The following SENP7 variants were observed in gnomAD, a reference collection of about 807,000 sequenced individuals.
The protein encoded by SENP7 is SUMO specific peptidase 7.
Under a neutral mutation model 141.2 loss-of-function variants are expected in SENP7, and 64 were observed. That is an observed-to-expected ratio of 0.45 (90% CI 0.37 to 0.56). The LOEUF (loss-of-function observed/expected upper bound fraction) is 0.56, where lower values mean the gene tolerates loss of function less well. Among genes scored for constraint, SENP7 ranks in the 20% least tolerant of loss-of-function variants. The probability of loss-of-function intolerance (pLI) is 0.00; values close to 1 mark genes in which losing one functional copy is unlikely to be tolerated. For synonymous variants in SENP7, 382 were observed against 426.4 expected (o/e 0.90, Z 1.28); for missense variants, 1,025 against 1,212.2 (o/e 0.85, Z 2.29).
intron 6 of SENP7, among the ~76,000 whole-genome samples, chr3:101,394,827 C>G (rs936637780): frequency 5.9e-5 from 9 of 152,140 alleles, no homozygotes; most frequent in Non-Finnish European, 5.9e-5. Flanking sequence ...CTTTGTCTTT[C>G]TAACCGCCAT....
chr3:101,330,704 GTAGT>G (rs1290267811), intron 19 of SENP7, among the ~76,000 whole-genome samples: 1 of 152,124 alleles, frequency 6.6e-6, no homozygotes, highest in Non-Finnish European at 1.5e-5. Context: ...AATGCAGAAG[GTAGT>G]TAATCTGCCT....
intron 13 of SENP7, among the ~76,000 whole-genome samples, chr3:101,344,682 G>A (rs1341221236): frequency 6.6e-6 from 1 of 152,052 alleles, no homozygotes; most frequent in Non-Finnish European, 1.5e-5. Context: ...AAGTGTTATA[G>A]GTGCATATGG....
At chr3:101,396,683 C>T (rs866283315) in intron 6 of SENP7, among the ~76,000 whole-genome samples, 1 of 152,060 alleles carries the variant, frequency 6.6e-6, no homozygotes, top group African/African-American at 2.4e-5. Context: ...AGCATTAACC[C>T]AAGAGCAAAA....
chr3:101,462,471 G>T (rs1441604886), intron 3 of SENP7, among the ~76,000 whole-genome samples: 1 of 151,784 alleles, frequency 6.6e-6, no homozygotes, highest in Non-Finnish European at 1.5e-5. Context: ...AACCCAGGAG[G>T]TGGAGGCTGG....
At chr3:101,417,931 A>ATTTCTTT (rs1576289574) in intron 4 of SENP7, 141 bp from the exon 5 acceptor site, 2 of 625,198 alleles carry the variant, frequency 3.2e-6, no homozygotes, top group East Asian at 5.6e-5. Context: ...AAAAGAAAAA[A>ATTTCTTT]TGCCTAACTA....
rs751355214 is a variant in SENP7, at chr3:101,366,481, T to C, written c.1267A>G (p.Ile423Val). 5.0e-6 allele frequency: 8 copies of C among 1,613,430 alleles called. No individual in the cohort carries two copies. Among genetic ancestry groups the C allele is most frequent in the South Asian group, 1.1e-5 (1 of 90,954 alleles). Residue 423 changes from isoleucine (I) to valine (V), a missense_variant, in exon 9 of 24, where the codon ATT (isoleucine) becomes GTT (valine). Transcript: ENST00000394095. ...TTCCCTTCATTATGTCCTCTTAGAA[T>C]AGGCTTTTCTATGGTATTCAACTCA... is the stretch of plus-strand genomic sequence containing the variant. ...ENELNTIEKP[I>V]LRGHNEGNQS... is the part of the protein sequence containing the mutation.
intron 10 of SENP7, among the ~76,000 whole-genome samples, chr3:101,362,460 C>T (rs1481178570): frequency 1.3e-5 from 2 of 152,142 alleles, no homozygotes; most frequent in Non-Finnish European, 2.9e-5. Context: ...GTTCTTGCTA[C>T]TGCACTTTAA....
chr3:101,344,859 T>C (rs1233571549), intron 13 of SENP7, among the ~76,000 whole-genome samples: 1 of 151,884 alleles, frequency 6.6e-6, no homozygotes, highest in Admixed American at 6.6e-5. Flanking sequence ...GAAAGGTAGT[T>C]GGCCAGGCAT....
At chr3:101,476,207 C>A (rs775819933) in intron 3 of SENP7, among the ~76,000 whole-genome samples, 2 of 152,004 alleles carry the variant, frequency 1.3e-5, no homozygotes, top group Non-Finnish European at 1.5e-5. Flanking sequence ...CCCATCAACC[C>A]GTCATCTACA....
chr3:101,326,179 T>A (rs932584000), intron 23 of SENP7, 99 bp from the exon 24 acceptor site: 153 of 954,156 alleles, frequency 1.6e-4, no homozygotes, highest in Non-Finnish European at 2.1e-4. Flanking sequence ...CTAACTTTTT[T>A]AAAATAACAA....
intron 5 of SENP7, among the ~76,000 whole-genome samples, chr3:101,407,953 T>C (rs1181264182): frequency 2.6e-5 from 4 of 151,004 alleles, no homozygotes; most frequent in Non-Finnish European, 4.4e-5. Context: ...CTAAATGAAA[T>C]TAAAACAAAA....
chr3:101,508,468 G>A (rs759115281), intron 1 of SENP7, among the ~76,000 whole-genome samples: 8 of 151,874 alleles, frequency 5.3e-5, no homozygotes, highest in Admixed American at 1.3e-4. Context: ...GCGTGGTGGC[G>A]GGCTCCTGTA....
chr3:101,379,960 T>G (rs2060448031), intron 6 of SENP7, among the ~76,000 whole-genome samples: 1 of 152,174 alleles, frequency 6.6e-6, no homozygotes, highest in African/African-American at 2.4e-5. Flanking sequence ...AAAATTTAGT[T>G]GATACATAAA....
At chr3:101,449,025 C>G (rs2063010477) in intron 4 of SENP7, among the ~76,000 whole-genome samples, 1 of 152,000 alleles carries the variant, frequency 6.6e-6, no homozygotes, top group Non-Finnish European at 1.5e-5. Context: ...GCAGAGAAGT[C>G]CTTAAAAGAC....
At chr3:101,446,799 C>T (rs1454702844) in intron 4 of SENP7, among the ~76,000 whole-genome samples, 1 of 151,886 alleles carries the variant, frequency 6.6e-6, no homozygotes, top group Non-Finnish European at 1.5e-5. Context: ...GCAATAAATG[C>T]TTATATAAAA....
chr3:101,402,126 C>T (rs777185115), intron 5 of SENP7, among the ~76,000 whole-genome samples: 10 of 151,978 alleles, frequency 6.6e-5, no homozygotes, highest in South Asian at 2.1e-4. Flanking sequence ...GGTGGCTACA[C>T]TAAACAACAG....
chr3:101,405,125 A>G (rs1212820684), intron 5 of SENP7, among the ~76,000 whole-genome samples: 2 of 152,174 alleles, frequency 1.3e-5, no homozygotes, highest in African/African-American at 4.8e-5. Context: ...AACTGCAGGA[A>G]TAAATCAGGA....
intron 3 of SENP7, among the ~76,000 whole-genome samples, chr3:101,484,889 A>T (rs776378319): frequency 3.9e-5 from 6 of 152,026 alleles, no homozygotes; most frequent in Non-Finnish European, 8.8e-5. Context: ...ACACCCTCAG[A>T]CTGGAAACAG....
intron 11 of SENP7, chr3:101,359,227 CCCT>C (rs1355145575): frequency 1.3e-5 from 2 of 151,974 alleles, no homozygotes; most frequent in Non-Finnish European, 2.9e-5. Flanking sequence ...AAAGCTATTA[CCCT>C]TGAGAAAAAT....
Sources: allele counts gnomAD v4.1 joint callset (sites outside exome capture counted in the v4.1 genomes callset), GRCh38; gene constraint gnomAD v4.1.1; transcripts MANE v1.5; gene names NCBI Gene and HGNC (gene_info 2026-07-23, HGNC 2026-07-21).